Variants in PGM1 observed in about 807,000 individuals in gnomAD.
PGM1 encodes phosphoglucomutase 1, also known as phosphoglucomutase-1.
In PGM1, 52 loss-of-function variants were observed where a neutral mutation model predicts 55.6. The ratio of observed to expected loss-of-function variants is 0.94; its 90% CI spans 0.75 to 1.18. The LOEUF is 1.18. Ranked by LOEUF, PGM1 falls within the 50% of genes most tolerant of loss-of-function variation. The probability of loss-of-function intolerance (pLI) is 0.00; values close to 1 mark genes in which losing one functional copy is unlikely to be tolerated. For synonymous variants in PGM1, 287 were observed against 271.7 expected (o/e 1.06, Z -0.55); for missense variants, 724 against 729.3 (o/e 0.99, Z 0.08).
intron 1 of PGM1, among the ~76,000 whole-genome samples, chr1:63,594,885 C>T (rs1175976523): frequency 7.0e-6 from 1 of 143,840 alleles, no homozygotes. Context: ...GGCGTGAACC[C>T]GGGAGGCGGA....
intron 4 of PGM1, among the ~76,000 whole-genome samples, chr1:63,633,946 T>A (rs1187507584): frequency 1.8e-4 from 22 of 125,590 alleles, no homozygotes; most frequent in African/African-American, 3.6e-4. Context: ...TTTTTTTTTT[T>A]TTTTTTTTTT....
intron 1 of PGM1, among the ~76,000 whole-genome samples, chr1:63,619,899 T>C (rs1199227922): frequency 1.3e-5 from 2 of 152,194 alleles, no homozygotes; most frequent in Admixed American, 6.5e-5. Context: ...CTTTACATCA[T>C]TTTCCAGTTC....
chr1:63,605,383 T>C (rs1376566192), intron 1 of PGM1, among the ~76,000 whole-genome samples: 1 of 152,156 alleles, frequency 6.6e-6, no homozygotes, highest in East Asian at 1.9e-4. Flanking sequence ...TAGATAGTTT[T>C]GAAACCTAAA....
intron 3 of PGM1, among the ~76,000 whole-genome samples, chr1:63,631,413 G>A (rs1314982043): frequency 3.3e-5 from 5 of 152,124 alleles, no homozygotes; most frequent in Non-Finnish European, 5.9e-5. Context: ...TTCACACGTC[G>A]AGTTTCCTCA....
chr1:63,612,424 A>T (rs1168503937), intron 1 of PGM1, among the ~76,000 whole-genome samples: 2 of 152,224 alleles, frequency 1.3e-5, no homozygotes, highest in Non-Finnish European at 2.9e-5. Context: ...TATATAGTTC[A>T]CTAAGTTAAA....
At chr1:63,593,949 C>G in intron 1 of PGM1, 1 of 1,211,452 alleles carries the variant, frequency 8.3e-7, no homozygotes, top group Non-Finnish European at 1.0e-6. Flanking sequence ...CCCGGCAGAC[C>G]TGCTCGCCTG....
At chr1:63,649,555 T>C (rs990266883) in intron 8 of PGM1, among the ~76,000 whole-genome samples, 4 of 152,226 alleles carry the variant, frequency 2.6e-5, no homozygotes, top group Admixed American at 6.5e-5. Flanking sequence ...CAGTTGCCTG[T>C]TCTATAAAAT....
intron 1 of PGM1, among the ~76,000 whole-genome samples, chr1:63,618,589 T>C (rs1648804533): frequency 6.6e-6 from 1 of 152,230 alleles, no homozygotes. Context: ...TCCTATGTGA[T>C]ATATTTCATC....
chr1:63,598,126 C>CA (rs1361005107), intron 1 of PGM1, among the ~76,000 whole-genome samples: 1 of 152,084 alleles, frequency 6.6e-6, no homozygotes, highest in Non-Finnish European at 1.5e-5. Flanking sequence ...TGCATGCCAC[C>CA]ATGCCTGGCT....
chr1:63,623,834 A>G lies in PGM1; in HGVS notation c.247-5591A>G. On this transcript the variant is annotated intron_variant, in intron 1 of 10. Coordinates refer to ENST00000371084, the MANE Select transcript of PGM1 (RefSeq NM_002633.3). ...TAATTTTACAGAAGTATACAAACGT[A>G]CAAGGATTTATATGTGGTATACACT... 9.6e-6 allele frequency: 10 copies of G among 1,038,084 alleles called. No homozygotes were observed. In the South Asian group the frequency reaches 1.4e-4, roughly 15 times the overall value. The allele number at this position is 1,038,084 out of a possible 1,614,324, so 64.3% of individuals were successfully genotyped here.
intron 7 of PGM1, among the ~76,000 whole-genome samples, chr1:63,645,083 A>G (rs1337384707): frequency 6.6e-6 from 1 of 152,238 alleles, no homozygotes; most frequent in Non-Finnish European, 1.5e-5. Flanking sequence ...TATTAATTGA[A>G]TTACCTGGAA....
At chr1:63,624,520 C>T (rs78190702) in intron 1 of PGM1, among the ~76,000 whole-genome samples, 4 of 152,344 alleles carry the variant, frequency 2.6e-5, no homozygotes, top group Middle Eastern at 3.4e-3. Context: ...GTGCAGCCCA[C>T]TGGTTTCCAG....
intron 1 of PGM1, among the ~76,000 whole-genome samples, chr1:63,604,638 G>T (rs1039504292): frequency 1.3e-5 from 2 of 152,144 alleles, no homozygotes; most frequent in African/African-American, 4.8e-5. Context: ...TTACCTTAAA[G>T]AAGAGAAGGA....
chr1:63,659,562 A>G, intron 10 of PGM1, 24 bp from the exon 11 acceptor site: 1 of 1,585,766 alleles, frequency 6.3e-7, no homozygotes, highest in Non-Finnish European at 8.7e-7. Flanking sequence ...GTGATGGAAA[A>G]GCTTCTCTCT....
rs1188902634 is a variant in PGM1, at chr1:63,594,506, A to G, written c.246+772A>G. 2.0e-5 allele frequency among the ~76,000 whole-genome samples: 3 copies of G among 152,024 alleles called. No homozygotes were observed. In the East Asian group the frequency reaches 5.8e-4, roughly 29 times the overall value. On this transcript the variant is annotated intron_variant, in intron 1 of 10. Transcript: ENST00000371084. ...AACATACCCAAAGACGCCCTTACGC[A>G]AGCAAGCAGTCGTGGCAGGCCAGGA...
At chr1:63,594,119 G>T in intron 1 of PGM1, 1 of 1,006,642 alleles carries the variant, frequency 9.9e-7, no homozygotes, top group Non-Finnish European at 1.2e-6. Context: ...TTACGGCGCA[G>T]AGTGCTGTCG....
intron 1 of PGM1, among the ~76,000 whole-genome samples, chr1:63,610,818 A>G (rs1648544668): frequency 6.6e-6 from 1 of 152,158 alleles, no homozygotes. Context: ...TTTCAGTAAT[A>G]TGTCGTCAGC....
At chr1:63,602,818 C>T (rs1355060081) in intron 1 of PGM1, among the ~76,000 whole-genome samples, 1 of 152,082 alleles carries the variant, frequency 6.6e-6, no homozygotes, top group Non-Finnish European at 1.5e-5. Context: ...GCCCAGTCCT[C>T]ACATGCTTGG....
At chr1:63,657,624 A>T (rs1315343619) in intron 10 of PGM1, among the ~76,000 whole-genome samples, 2 of 151,962 alleles carry the variant, frequency 1.3e-5, no homozygotes, top group Non-Finnish European at 2.9e-5. Context: ...ATTGAACAGC[A>T]CCTCCCTGCT....
Sources: gnomAD v4.1 joint callset for allele counts (sites outside exome capture counted in the v4.1 genomes callset) on GRCh38, gnomAD v4.1.1 for gene constraint, MANE v1.5 for transcripts, NCBI Gene and HGNC (gene_info 2026-07-23, HGNC 2026-07-21) for gene names.